Variants in KATNAL2 observed in about 807,000 individuals in gnomAD.
KATNAL2 encodes katanin p60 ATPase-containing subunit A-like 2.
Under a neutral mutation model 76.3 loss-of-function variants are expected in KATNAL2, and 52 were observed. The ratio of observed to expected loss-of-function variants is 0.68; its 90% CI spans 0.55 to 0.86. The LOEUF (loss-of-function observed/expected upper bound fraction) is 0.86. Among genes scored for constraint, KATNAL2 ranks in the 40% least tolerant of loss-of-function variants. The pLI, the probability that KATNAL2 is intolerant of heterozygous loss-of-function variation, is 0.00. For missense variants in KATNAL2, 660 were observed against 668.9 expected (o/e 0.99, Z 0.15); for synonymous variants, 243 against 244.2 (o/e 1.00, Z 0.05).
chr18:47,055,530 G>A (rs986163404), intron 6 of KATNAL2, among the ~76,000 whole-genome samples: 2 of 152,152 alleles, frequency 1.3e-5, no homozygotes, highest in African/African-American at 4.8e-5. Flanking sequence ...TGGAGCCCAC[G>A]CACGCTCCAC....
rs555046626 is a variant in KATNAL2, at chr18:46,928,901, T to C, written c.-510+10975T>C. On this transcript the variant is annotated intron_variant, in intron 1 of 17. Transcript: ENST00000683218. ...ACCTCCACCTCCAGAGTTCAAGCAA[T>C]TTTCCTGCCTCAGCCTCCTGAGTAG... Among the ~76,000 whole-genome samples, 5 of 152,166 alleles carry C rather than the reference T, an allele frequency of 3.3e-5. No homozygotes were observed. In the East Asian group the frequency reaches 9.7e-4, roughly 30 times the overall value.
At chr18:47,095,538 G>GT (rs1160737096) in intron 15 of KATNAL2, among the ~76,000 whole-genome samples, 3 of 152,220 alleles carry the variant, frequency 2.0e-5, no homozygotes, top group Non-Finnish European at 4.4e-5. Flanking sequence ...ATGTGGAACT[G>GT]TGAGTCAATT....
At chr18:47,097,932 C>T (rs1242886542) in intron 15 of KATNAL2, among the ~76,000 whole-genome samples, 1 of 152,160 alleles carries the variant, frequency 6.6e-6, no homozygotes, top group Admixed American at 6.5e-5. Context: ...GCATTAGACA[C>T]ATCACAGAAT....
At chr18:46,943,108 G>A (rs1313487608) in intron 1 of KATNAL2, among the ~76,000 whole-genome samples, 5 of 152,176 alleles carry the variant, frequency 3.3e-5, no homozygotes, top group Middle Eastern at 3.4e-3. Context: ...GCAGCACTCC[G>A]GAAGTTGTTC....
chr18:46,944,833 C>A (rs761695845), intron 1 of KATNAL2, among the ~76,000 whole-genome samples: 1 of 152,126 alleles, frequency 6.6e-6, no homozygotes, highest in Non-Finnish European at 1.5e-5. Flanking sequence ...GAGACTGAGG[C>A]AGAGAATTGC....
At position 47,075,284 on chromosome 18, in the gene KATNAL2, T is replaced by C. The variant is rs1486220278; in HGVS notation, c.1016T>C (p.Phe339Ser). 1 of 1,555,074 alleles carries C rather than the reference T, an allele frequency of 6.4e-7. No individual in the cohort carries two copies. Residue 339 changes from phenylalanine to serine, a missense_variant, in exon 14 of 18, where the codon TTT becomes TCT. Phe to Ser is a radical substitution (Grantham distance 155). Coordinates refer to ENST00000683218, the MANE Select transcript of KATNAL2 (RefSeq NM_001387690.1). ...TGCTTTTCCCCCACCCAGGTGTTAT[T>C]TGAGCTTGCCCGCTACCACGCCCCA... ...GDSEKLVRVL[F>S]ELARYHAPST...
intron 1 of KATNAL2, among the ~76,000 whole-genome samples, chr18:46,930,829 G>A (rs1005163562): frequency 1.2e-4 from 18 of 150,914 alleles, no homozygotes; most frequent in African/African-American, 3.9e-4. Flanking sequence ...TAGGCCAGGC[G>A]CAGTGGTTCA....
intron 15 of KATNAL2, among the ~76,000 whole-genome samples, chr18:47,083,260 T>C (rs2062614832): frequency 6.6e-6 from 1 of 152,206 alleles, no homozygotes; most frequent in African/African-American, 2.4e-5. Flanking sequence ...AGCAAGAATG[T>C]GGGAACAGAT....
At chr18:47,055,155 C>T (rs1317936609) in intron 6 of KATNAL2, among the ~76,000 whole-genome samples, 4 of 152,186 alleles carry the variant, frequency 2.6e-5, no homozygotes, top group Non-Finnish European at 5.9e-5. Context: ...CCATAGACCC[C>T]TCCACTGTCA....
At chr18:46,952,623 ACTCCTGACCTCATGATC>A (rs1276170399) in intron 3 of KATNAL2, among the ~76,000 whole-genome samples, 3 of 150,670 alleles carry the variant, frequency 2.0e-5, no homozygotes, top group Non-Finnish European at 3.0e-5. Flanking sequence ...CTGATCTCGA[ACTCCTGACCTCATGATC>A]CACCTGCCTC....
intron 3 of KATNAL2, chr18:47,028,315 TGCTGCCGCCGCCGCTCAC>T (rs767812877): frequency 8.7e-6 from 1 of 115,266 alleles, no homozygotes; most frequent in Non-Finnish European, 1.4e-5. Flanking sequence ...TGCCGGTTGC[TGCTGCCGCCGCCGCTCAC>T]GCTGCCGCCG....
intron 14 of KATNAL2, among the ~76,000 whole-genome samples, chr18:47,077,102 C>G (rs1468390298): frequency 2.0e-5 from 3 of 152,154 alleles, no homozygotes; most frequent in Admixed American, 6.5e-5. Flanking sequence ...TAGTTATTTT[C>G]TCCAGCTCAC....
At chr18:46,949,357 A>AT (rs1287000456) in intron 3 of KATNAL2, among the ~76,000 whole-genome samples, 1 of 152,146 alleles carries the variant, frequency 6.6e-6, no homozygotes, top group South Asian at 2.1e-4. Context: ...GGCTCAGGTG[A>AT]TTCCCCCACC....
In KATNAL2 at chr18:46,946,485, G is replaced by T. The variant is rs1173489244; in HGVS notation, c.-81G>T. 7.1e-6 allele frequency: 7 copies of T among 985,298 alleles called. No homozygotes were observed. Among genetic ancestry groups the T allele is most frequent in the Non-Finnish European group, 8.4e-6 (7 of 829,936 alleles). 61.0% of individuals were successfully genotyped at this position (985,298 alleles called of 1,614,324 possible). On this transcript the variant is annotated 5_prime_UTR_variant, in exon 2 of 18. Transcript: ENST00000683218. ...GACGGGACGTCAAAATATAGTCTTG[G>T]GTATAGAAGCATTGGGTCGCAAAGA...
At chr18:46,961,990 G>T (rs74399505) in intron 3 of KATNAL2, among the ~76,000 whole-genome samples, 5 of 152,162 alleles carry the variant, frequency 3.3e-5, no homozygotes, top group African/African-American at 1.2e-4. Flanking sequence ...GTTATCTTCA[G>T]GCATTAACAT....
intron 13 of KATNAL2, among the ~76,000 whole-genome samples, chr18:47,071,802 T>G (rs1312388454): frequency 6.6e-6 from 1 of 151,690 alleles, no homozygotes; most frequent in Non-Finnish European, 1.5e-5. Context: ...CCATCCTGTG[T>G]GAGCATTGTA....
intron 1 of KATNAL2, among the ~76,000 whole-genome samples, chr18:46,934,721 C>T (rs958662227): frequency 2.6e-5 from 4 of 152,132 alleles, no homozygotes; most frequent in Non-Finnish European, 4.4e-5. Flanking sequence ...GAAGTCCTTG[C>T]CCATGCCTAT....
chr18:47,059,867 T>C (rs1569095584), intron 8 of KATNAL2, among the ~76,000 whole-genome samples: 1 of 152,212 alleles, frequency 6.6e-6, no homozygotes, highest in South Asian at 2.1e-4. Context: ...GCCCCATCTC[T>C]AAGGAACTCA....
In KATNAL2 at chr18:46,957,144, G is replaced by A. The variant is rs1184351688; in HGVS notation, c.51+10221G>A. Among the ~76,000 whole-genome samples, 4 of 151,954 alleles carry A rather than the reference G, an allele frequency of 2.6e-5. No individual in the cohort carries two copies. In the East Asian group the frequency reaches 7.7e-4, roughly 29 times the overall value. On this transcript the variant is annotated intron_variant, in intron 3 of 17. Transcript: ENST00000683218. ...ATGTGTCAACTTGACTGTGCTTTGG[G>A]GTGCCCAGGCATTTGGTCAACATTA...
Sources: allele counts gnomAD v4.1 joint callset (sites outside exome capture counted in the v4.1 genomes callset), GRCh38; gene constraint gnomAD v4.1.1; transcripts MANE v1.5; gene names NCBI Gene and HGNC (gene_info 2026-07-23, HGNC 2026-07-21).